Variants in ADAMTS17 observed in about 807,000 individuals in gnomAD.
The protein encoded by ADAMTS17 is ADAM metallopeptidase with thrombospondin type 1 motif 17, also known as A disintegrin and metalloproteinase with thrombospondin motifs 17.
In ADAMTS17, 113 loss-of-function variants were observed where a neutral mutation model predicts 141.5. The observed-to-expected ratio is 0.80, with a 90% CI of 0.69 to 0.93. ADAMTS17 has a LOEUF of 0.93. ADAMTS17 is among the 40% of genes least tolerant of loss of function. The pLI is 0.00. For synonymous variants in ADAMTS17, 768 were observed against 630.6 expected (o/e 1.22, Z -3.27); for missense variants, 1,659 against 1,517.9 (o/e 1.09, Z -1.54).
chr15:100,340,145 C>T (rs1353779255), intron 2 of ADAMTS17, among the ~76,000 whole-genome samples: 1 of 152,220 alleles, frequency 6.6e-6, no homozygotes, highest in Non-Finnish European at 1.5e-5. Context: ...GGGGGCAGCC[C>T]ATCTGCCGGC....
chr15:99,992,731 C>T (rs1005961677), intron 20 of ADAMTS17, among the ~76,000 whole-genome samples: 17 of 152,188 alleles, frequency 1.1e-4, no homozygotes, highest in Non-Finnish European at 2.1e-4. Context: ...GCCAGCACAC[C>T]GCACAGCATG....
chr15:100,147,929 C>T (rs778793187), intron 10 of ADAMTS17, among the ~76,000 whole-genome samples: 40 of 152,244 alleles, frequency 2.6e-4, no homozygotes, highest in Non-Finnish European at 5.0e-4. Flanking sequence ...GTTCCTTCTG[C>T]GAGGCTGTGA....
At chr15:100,168,508 G>A (rs1325578395) in intron 8 of ADAMTS17, 2 of 152,278 alleles carry the variant, frequency 1.3e-5, no homozygotes, top group Non-Finnish European at 2.9e-5. Flanking sequence ...ACAGGGCTGG[G>A]ACAGGGCAGG....
chr15:100,010,934 C>T (rs2061153859), intron 18 of ADAMTS17, among the ~76,000 whole-genome samples: 1 of 152,024 alleles, frequency 6.6e-6, no homozygotes, highest in South Asian at 2.1e-4. Context: ...CCCATATTTG[C>T]TTTTTGAAAG....
chr15:100,225,471 C>A (rs909054103), intron 7 of ADAMTS17, among the ~76,000 whole-genome samples: 1 of 151,330 alleles, frequency 6.6e-6, no homozygotes, highest in Non-Finnish European at 1.5e-5. Context: ...TCATGCAGTC[C>A]TTACAGCAGT....
At chr15:100,165,477 G>T (rs1474286622) in intron 8 of ADAMTS17, among the ~76,000 whole-genome samples, 2 of 152,286 alleles carry the variant, frequency 1.3e-5, no homozygotes, top group African/African-American at 2.4e-5. Flanking sequence ...CAAATGAGTG[G>T]CACCTGCTTG....
At chr15:100,112,155 T>A (rs777940873) in intron 13 of ADAMTS17, among the ~76,000 whole-genome samples, 4 of 152,282 alleles carry the variant, frequency 2.6e-5, no homozygotes, top group Middle Eastern at 3.4e-3. Flanking sequence ...TCTGGACTCT[T>A]TAGGGTGAGC....
intron 18 of ADAMTS17, among the ~76,000 whole-genome samples, chr15:100,035,814 G>A (rs1338924353): frequency 6.6e-6 from 1 of 152,122 alleles, no homozygotes; most frequent in African/African-American, 2.4e-5. Flanking sequence ...CTGGGAGTAA[G>A]TAGTATAAAT....
intron 15 of ADAMTS17, among the ~76,000 whole-genome samples, chr15:100,084,090 T>C (rs980613568): frequency 6.6e-6 from 1 of 152,070 alleles, no homozygotes; most frequent in African/African-American, 2.4e-5. Context: ...TTCCCCTTCC[T>C]AGTCAAAGAA....
At chr15:100,119,232 G>A (rs1235561732) in intron 12 of ADAMTS17, among the ~76,000 whole-genome samples, 1 of 152,074 alleles carries the variant, frequency 6.6e-6, no homozygotes, top group Non-Finnish European at 1.5e-5. Context: ...ATAACTTCTG[G>A]TTGTTGAAGC....
At chr15:100,271,408 ATTTT>A (rs139654078) in intron 4 of ADAMTS17, among the ~76,000 whole-genome samples, 1,696 of 152,022 alleles carry the variant, frequency 0.011, 14 homozygotes, top group Non-Finnish European at 0.017. Context: ...TTGGTGTTTT[ATTTT>A]TTTGTTTTAT....
At chr15:100,109,576 G>A (rs1392051046) in intron 13 of ADAMTS17, among the ~76,000 whole-genome samples, 1 of 152,158 alleles carries the variant, frequency 6.6e-6, no homozygotes. Flanking sequence ...AAGAGCTTCA[G>A]TGCTCCCCTA....
At position 100,166,049 on chromosome 15, in the gene ADAMTS17, T is replaced by C. The variant is rs938336452; in HGVS notation, c.1182-10729A>G. Among the ~76,000 whole-genome samples the C allele has an allele frequency of 2.6e-5, 4 of 152,258 alleles. No homozygotes were observed. The South Asian group carries it at 6.2e-4, about 24-fold the overall frequency. On this transcript the variant is annotated intron_variant, in intron 8 of 21. Coordinates refer to ENST00000268070, the MANE Select transcript of ADAMTS17 (RefSeq NM_139057.4). ...AATCACATCATTAGAAGTTTGAGTC[T>C]TGCCATCTTAGGACATAGGGCACCT...
At chr15:100,075,981 C>A (rs1024456862) in intron 15 of ADAMTS17, among the ~76,000 whole-genome samples, 1 of 152,110 alleles carries the variant, frequency 6.6e-6, no homozygotes, top group African/African-American at 2.4e-5. Context: ...CTCTTTCTTG[C>A]TTCATTGTAT....
intron 20 of ADAMTS17, among the ~76,000 whole-genome samples, chr15:99,982,135 A>G (rs2060493240): frequency 6.6e-6 from 1 of 152,242 alleles, no homozygotes; most frequent in South Asian, 2.1e-4. Flanking sequence ...GGCAGTGTGG[A>G]ATAGGAGCCT....
Position 100,106,101 on chromosome 15 carries a change from A to T in ADAMTS17, c.2016+2888T>A, listed in dbSNP as rs186229483. 4.6e-3 allele frequency among the ~76,000 whole-genome samples: 699 copies of T among 151,986 alleles called. 21 individuals carry two copies. The highest frequency in any genetic ancestry group is 7.7e-4 in the Non-Finnish European group (52 of 67,964). ...AAACTCTGCCTCTCAGGCTCAAGTGATCCTCCCACCTCAGCCTCTGGAGTA... is the reference window on the plus strand; with the variant it reads ...AAACTCTGCCTCTCAGGCTCAAGTGTTCCTCCCACCTCAGCCTCTGGAGTA... On this transcript the variant is annotated intron_variant, in intron 14 of 21. Coordinates refer to ENST00000268070, the MANE Select transcript of ADAMTS17 (RefSeq NM_139057.4).
Position 100,223,981 on chromosome 15 carries a change from G to T in ADAMTS17, c.1076-24558C>A, listed in dbSNP as rs1409564695. 3.3e-5 allele frequency among the ~76,000 whole-genome samples: 5 copies of T among 152,174 alleles called. No individual in the cohort carries two copies. In the South Asian group the frequency reaches 1.0e-3, roughly 32 times the overall value. On this transcript the variant is annotated intron_variant, in intron 7 of 21. Transcript: ENST00000268070. Reference sequence around the variant, plus strand: ...TCAATGGCAGGAAGCATCCAGCATGGGAGAAAGACGTAGGCTGGGAGGCTT... The same window carrying T: ...TCAATGGCAGGAAGCATCCAGCATGTGAGAAAGACGTAGGCTGGGAGGCTT...
Position 99,997,505 on chromosome 15 carries a change from C to T in ADAMTS17, c.2676G>A (p.Leu892=), listed in dbSNP as rs545940908. 17 of 1,613,678 alleles carry T rather than the reference C, an allele frequency of 1.1e-5. No homozygotes were observed. In the Admixed American group the frequency reaches 1.8e-4, roughly 17 times the overall value. The change falls in exon 19 of 22, where the codon CTG becomes CTA. Residue 892 remains leucine, a synonymous_variant. Coordinates refer to ENST00000268070, the MANE Select transcript of ADAMTS17 (RefSeq NM_139057.4). This position sits in a 1 kb window ranked among gnomAD's most constrained non-coding sequence, Gnocchi z 4.7. ...QHREVTCVYQ[L]QNGTHVATRP... ...GCGTAGCGACGTGTGTGCCGTTCTG[C>T]AGCTGGTACACGCAGGTCACCTCCC...
intron 18 of ADAMTS17, among the ~76,000 whole-genome samples, chr15:100,007,113 C>A (rs1046538923): frequency 6.6e-6 from 1 of 152,206 alleles, no homozygotes; most frequent in Non-Finnish European, 1.5e-5. Flanking sequence ...CAGACAATTT[C>A]TTTAACATCT....
Sources: gnomAD v4.1 joint callset for allele counts (sites outside exome capture counted in the v4.1 genomes callset) on GRCh38, gnomAD v4.1.1 for gene constraint, Gnocchi (gnomAD v3.1) non-coding constraint, MANE v1.5 for transcripts, NCBI Gene and HGNC (gene_info 2026-07-23, HGNC 2026-07-21) for gene names.